WWOX: variants seen among roughly 807,000 people sequenced by gnomAD.
The protein encoded by WWOX is WW domain-containing oxidoreductase.
A neutral mutation model predicts 46.2 loss-of-function variants in WWOX; 69 were observed. The ratio of observed to expected loss-of-function variants is 1.49; its 90% CI spans 1.23 to 1.82. The LOEUF is 1.82. Among genes scored for constraint, WWOX ranks in the 40% most tolerant of loss-of-function variants. WWOX has a pLI of 0.00. For synonymous variants in WWOX, 359 were observed against 202.6 expected, an observed-to-expected ratio of 1.77 and a Z score of -6.56; for missense variants, 919 against 542.6, an observed-to-expected ratio of 1.69 and a Z score of -6.89.
intron 8 of WWOX, among the ~76,000 whole-genome samples, chr16:78,624,153 G>C (rs550711720): frequency 7.3e-5 from 11 of 151,484 alleles, no homozygotes; most frequent in South Asian, 6.3e-4. Flanking sequence ...AGTGAAATTG[G>C]AATTTTTGCT....
intron 8 of WWOX, among the ~76,000 whole-genome samples, chr16:78,786,809 C>G (rs570790419): frequency 1.3e-5 from 2 of 152,254 alleles, no homozygotes; most frequent in African/African-American, 2.4e-5. Flanking sequence ...CTAATACATG[C>G]TTTATGGATT....
At chr16:79,143,733 G>A (rs1275439408) in intron 8 of WWOX, among the ~76,000 whole-genome samples, 1 of 152,094 alleles carries the variant, frequency 6.6e-6, no homozygotes, top group African/African-American at 2.4e-5. Context: ...ATAGGTGCCG[G>A]TTTGTCTCTA....
At chr16:78,531,378 G>C (rs1206004171) in intron 8 of WWOX, among the ~76,000 whole-genome samples, 1 of 152,284 alleles carries the variant, frequency 6.6e-6, no homozygotes, top group South Asian at 2.1e-4. Context: ...GAATGGTTCT[G>C]TTGGTTGAAT....
At chr16:78,997,432 G>A (rs560096232) in intron 8 of WWOX, among the ~76,000 whole-genome samples, 14 of 152,082 alleles carry the variant, frequency 9.2e-5, no homozygotes, top group Non-Finnish European at 1.6e-4. Flanking sequence ...TAGGTTTGTT[G>A]TTATTTCTGT....
At chr16:78,874,385 C>G (rs973391095) in intron 8 of WWOX, among the ~76,000 whole-genome samples, 1 of 151,990 alleles carries the variant, frequency 6.6e-6, no homozygotes, top group South Asian at 2.1e-4. Context: ...GGAGGGAAAG[C>G]AGACGCAGTT....
intron 5 of WWOX, among the ~76,000 whole-genome samples, chr16:78,352,973 C>G (rs942248310): frequency 2.0e-5 from 3 of 152,168 alleles, no homozygotes; most frequent in African/African-American, 7.2e-5. Context: ...ATATTTCTCT[C>G]ACTTACTTGA....
chr16:78,436,198 G>A (rs1405035522), intron 8 of WWOX, among the ~76,000 whole-genome samples: 3 of 152,164 alleles, frequency 2.0e-5, no homozygotes, highest in African/African-American at 7.2e-5. Context: ...TCTCCAAAAT[G>A]TAATCTCTGC....
At position 79,107,969 on chromosome 16, in the gene WWOX, T is replaced by A. The variant is rs141162625; in HGVS notation, c.1057-103639T>A. Among the ~76,000 whole-genome samples the A allele has an allele frequency of 2.9e-3, 446 of 152,340 alleles. 4 individuals carry two copies. The highest frequency in any genetic ancestry group is 2.9e-3 in the Non-Finnish European group (199 of 68,040). On this transcript the variant is annotated intron_variant, in intron 8 of 8. Transcript: ENST00000566780. The stretch of plus-strand genomic sequence containing the variant: ...ATAAAATTAAGTGAAAAGAGTCAGG[T>A]TGAGTGTAGAATATATTTATTCCTA...
At chr16:78,587,133 C>G (rs967066354) in intron 8 of WWOX, among the ~76,000 whole-genome samples, 2 of 151,712 alleles carry the variant, frequency 1.3e-5, no homozygotes, top group Admixed American at 6.6e-5. Flanking sequence ...TCAACCTATC[C>G]TCTTACCTCA....
intron 5 of WWOX, among the ~76,000 whole-genome samples, chr16:78,308,392 T>A (rs147471060): frequency 6.6e-6 from 1 of 152,136 alleles, no homozygotes; most frequent in Non-Finnish European, 1.5e-5. Context: ...ATACCCTTCT[T>A]TTTTTGGAAT....
At chr16:78,130,260 T>C (rs983168430) in intron 4 of WWOX, 3 of 152,114 alleles carry the variant, frequency 2.0e-5, no homozygotes, top group Non-Finnish European at 1.5e-5. Flanking sequence ...ATCATGAGGG[T>C]GGAGCCCTCA....
At chr16:78,538,044 C>T (rs1567629675) in intron 8 of WWOX, among the ~76,000 whole-genome samples, 2 of 151,994 alleles carry the variant, frequency 1.3e-5, no homozygotes, top group African/African-American at 4.8e-5. Context: ...ATCATGAACA[C>T]TGTCTTTTTT....
intron 8 of WWOX, among the ~76,000 whole-genome samples, chr16:78,938,685 G>C (rs2045791876): frequency 6.6e-6 from 1 of 152,192 alleles, no homozygotes; most frequent in African/African-American, 2.4e-5. Context: ...AGATAGCAAT[G>C]AAGGCAGACT....
At chr16:78,735,892 C>G (rs2049080457) in intron 8 of WWOX, among the ~76,000 whole-genome samples, 1 of 152,176 alleles carries the variant, frequency 6.6e-6, no homozygotes, top group Non-Finnish European at 1.5e-5. Flanking sequence ...TCTTGTCTAT[C>G]CAGAAACCGT....
chr16:78,644,799 G>A (rs1003582655), intron 8 of WWOX, among the ~76,000 whole-genome samples: 9 of 152,158 alleles, frequency 5.9e-5, no homozygotes, highest in Admixed American at 2.6e-4. Flanking sequence ...TATTTATTTC[G>A]TGACTATTAT....
At chr16:78,921,202 A>G (rs1230003443) in intron 8 of WWOX, among the ~76,000 whole-genome samples, 2 of 152,318 alleles carry the variant, frequency 1.3e-5, no homozygotes, top group East Asian at 3.9e-4. Context: ...TCAAGTCTGC[A>G]GGCAAAACAG....
chr16:78,997,684 T>A (rs942042500), intron 8 of WWOX, among the ~76,000 whole-genome samples: 2 of 151,896 alleles, frequency 1.3e-5, no homozygotes, highest in Admixed American at 1.3e-4. Context: ...CTCCCCTCCC[T>A]TCCTTTCCCT....
chr16:78,524,953 C>A (rs2667613), intron 8 of WWOX, among the ~76,000 whole-genome samples: 123,070 of 144,822 alleles, frequency 0.85, 52,914 homozygotes, highest in East Asian at 1. Flanking sequence ...GCAGCTTCCA[C>A]CTCCTGGGCT....
At chr16:79,083,081 C>G (rs181636421) in intron 8 of WWOX, among the ~76,000 whole-genome samples, 55 of 152,244 alleles carry the variant, frequency 3.6e-4, no homozygotes, top group African/African-American at 1.1e-3. Context: ...TAAATCTAGA[C>G]AAGATAATGA....
Sources: gnomAD v4.1 joint callset for allele counts (sites outside exome capture counted in the v4.1 genomes callset) on GRCh38, gnomAD v4.1.1 for gene constraint, MANE v1.5 for transcripts, NCBI Gene and HGNC (gene_info 2026-07-23, HGNC 2026-07-21) for gene names.